LPIN2: variants seen among roughly 807,000 people sequenced by gnomAD.
LPIN2 encodes phosphatidate phosphatase LPIN2.
A neutral mutation model predicts 111.4 loss-of-function variants in LPIN2; 55 were observed. The observed-to-expected ratio is 0.49, with a 90% CI of 0.40 to 0.62. LPIN2 has a LOEUF of 0.62. Ranked by LOEUF, LPIN2 falls within the 20% of genes least tolerant of loss-of-function variation. LPIN2 has a pLI of 0.00. For synonymous variants in LPIN2, 425 were observed against 414.0 expected, an observed-to-expected ratio of 1.03 and a Z score of -0.32; for missense variants, 992 against 1,112.1, an observed-to-expected ratio of 0.89 and a Z score of 1.54.
Position 2,925,461 on chromosome 18 carries a change from A to C in LPIN2, c.1794-93T>G, listed in dbSNP as rs1030212036. The C allele has an allele frequency of 1.3e-6, 2 of 1,529,534 alleles. No individual in the cohort carries two copies. Among genetic ancestry groups the C allele is most frequent in the Middle Eastern group, 2.2e-4 (1 of 4,516 alleles). 94.7% of individuals were successfully genotyped at this position (1,529,534 alleles called of 1,614,324 possible). On this transcript the variant is annotated intron_variant, in intron 13 of 19. Coordinates refer to ENST00000677752, the MANE Select transcript of LPIN2 (RefSeq NM_001375808.2). This position sits in a 1 kb window ranked among gnomAD's most constrained non-coding sequence, Gnocchi z 4.1. ...GGATCAAGAAAATAAAGATATCCTA[A>C]ATCTTTTCTAGGAATGGGTAGAGTT...
chr18:2,979,531 T>G (rs747377077), intron 1 of LPIN2, among the ~76,000 whole-genome samples: 2 of 152,206 alleles, frequency 1.3e-5, no homozygotes, highest in Non-Finnish European at 2.9e-5. Context: ...ATTTGCTAAA[T>G]GAAGACAATT....
chr18:2,979,304 A>G (rs1378314721), intron 1 of LPIN2, among the ~76,000 whole-genome samples: 1 of 152,226 alleles, frequency 6.6e-6, no homozygotes, highest in East Asian at 1.9e-4. Context: ...AGGGCTCACC[A>G]GGCACTCTAA....
chr18:2,999,962 G>A lies in LPIN2; in HGVS notation c.-10+13125C>T, dbSNP rs555027934. Among the ~76,000 whole-genome samples the A allele has an allele frequency of 7.2e-5, 11 of 151,918 alleles. No individual in the cohort carries two copies. The East Asian group carries it at 1.5e-3, about 21-fold the overall frequency. On this transcript the variant is annotated intron_variant, in intron 1 of 19. Coordinates refer to ENST00000677752, the MANE Select transcript of LPIN2 (RefSeq NM_001375808.2). ...CCAGCACTTCAGGAGGCTGAGGTGGGAGGATCACTTAAGGCTGGAAGTTCA... is the reference window on the plus strand; with the variant it reads ...CCAGCACTTCAGGAGGCTGAGGTGGAAGGATCACTTAAGGCTGGAAGTTCA...
chr18:2,982,710 T>A (rs2078130760), intron 1 of LPIN2: 1 of 1,303,826 alleles, frequency 7.7e-7, no homozygotes, highest in African/African-American at 1.5e-5. Flanking sequence ...CATCTTGAGT[T>A]TTACTTAATG....
chr18:2,969,312 G>A (rs1248229439), intron 1 of LPIN2, among the ~76,000 whole-genome samples: 1 of 152,200 alleles, frequency 6.6e-6, no homozygotes, highest in Non-Finnish European at 1.5e-5. Context: ...GAATTGTCCT[G>A]TCCTTTGTCT....
At chr18:2,974,951 T>C (rs2077986245) in intron 1 of LPIN2, among the ~76,000 whole-genome samples, 1 of 152,178 alleles carries the variant, frequency 6.6e-6, no homozygotes, top group African/African-American at 2.4e-5. Context: ...GTGAGCCATG[T>C]TTGTGCCACT....
intron 2 of LPIN2, among the ~76,000 whole-genome samples, chr18:2,955,167 C>T (rs1266607197): frequency 6.6e-6 from 1 of 152,188 alleles, no homozygotes; most frequent in African/African-American, 2.4e-5. Context: ...TTCAGGTAGA[C>T]ATATGCGTTG....
intron 1 of LPIN2, among the ~76,000 whole-genome samples, chr18:2,980,894 C>A (rs2078100526): frequency 6.6e-6 from 1 of 152,102 alleles, no homozygotes; most frequent in South Asian, 2.1e-4. Flanking sequence ...TATATTCTGC[C>A]CTAAATGGGG....
At chr18:2,966,357 A>G (rs1227634594) in intron 1 of LPIN2, among the ~76,000 whole-genome samples, 2 of 152,192 alleles carry the variant, frequency 1.3e-5, no homozygotes, top group Non-Finnish European at 2.9e-5. Flanking sequence ...ACACACAACT[A>G]AACTTGTTAC....
intron 18 of LPIN2, chr18:2,921,237 G>A: frequency 1.8e-6 from 1 of 555,340 alleles, no homozygotes; most frequent in Non-Finnish European, 3.2e-6. Context: ...GTGATCCAAG[G>A]ACGCAGCTCA....
rs780037453 is a variant in LPIN2, at chr18:2,954,582, G to A, written c.210C>T (p.Asn70=). 2.9e-5 allele frequency: 46 copies of A among 1,611,842 alleles called. No individual in the cohort carries two copies. The highest frequency in any genetic ancestry group is 1.6e-4 in the Middle Eastern group (1 of 6,082). Residue 70 remains asparagine, a synonymous_variant, in exon 3 of 20, where the codon AAC becomes AAT. Transcript: ENST00000677752. ...TCATGTGAAGATCCACTGCACTGCC[G>A]TTGATTTCTATATCAATCTATGGGA... ...SKEKVIDIEI[N]GSAVDLHMKL...
intron 1 of LPIN2, among the ~76,000 whole-genome samples, chr18:2,965,271 A>G (rs547196105): frequency 2.0e-5 from 3 of 152,366 alleles, no homozygotes; most frequent in East Asian, 1.9e-4. Flanking sequence ...GCCCACTATC[A>G]TATTTTTCTT....
intron 1 of LPIN2, among the ~76,000 whole-genome samples, chr18:3,005,250 C>G (rs1363758836): frequency 2.0e-5 from 3 of 151,134 alleles, no homozygotes. Context: ...CTAGGGAAGC[C>G]AAGGCAGGAG....
intron 1 of LPIN2, among the ~76,000 whole-genome samples, chr18:2,993,499 G>A (rs371591635): frequency 1.3e-5 from 2 of 152,090 alleles, no homozygotes; most frequent in East Asian, 1.9e-4. Context: ...CTGACATTTC[G>A]AAAACTATGG....
chr18:2,945,634 A>G, intron 4 of LPIN2: 1 of 1,482,984 alleles, frequency 6.7e-7, no homozygotes, highest in Non-Finnish European at 9.4e-7. Flanking sequence ...AGCTTTTCTC[A>G]TAGTGATTTC....
At chr18:2,945,775 C>T in intron 4 of LPIN2, 3 of 1,255,088 alleles carry the variant, frequency 2.4e-6, no homozygotes, top group South Asian at 1.2e-5. Flanking sequence ...TTTGCTTCTA[C>T]TCGACTAAGT....
chr18:2,925,398 G>C lies in LPIN2; in HGVS notation c.1794-30C>G, dbSNP rs1392330174. On this transcript the variant is annotated intron_variant, in intron 13 of 19. Transcript: ENST00000677752. This position sits in a 1 kb window ranked among gnomAD's most constrained non-coding sequence, Gnocchi z 4.1. ...TCAACATTAGCCCAGTTACGGAAGA[G>C]GCAGCAGGGCATTTTATTGATGAGA... The C allele has an allele frequency of 4.3e-6, 7 of 1,613,818 alleles. No individual in the cohort carries two copies. Among genetic ancestry groups the C allele is most frequent in the South Asian group, 2.2e-5 (2 of 91,070 alleles).
intron 1 of LPIN2, among the ~76,000 whole-genome samples, chr18:3,001,541 C>T (rs532584987): frequency 1.2e-4 from 18 of 151,884 alleles, no homozygotes; most frequent in Admixed American, 9.8e-4. Context: ...AAGAATTGTG[C>T]GTGTGAGAGG....
At chr18:2,950,960 C>T (rs1271101516) in intron 4 of LPIN2, 95 bp downstream of exon 4, 2 of 1,346,862 alleles carry the variant, frequency 1.5e-6, no homozygotes, top group Non-Finnish European at 2.1e-6. Context: ...CAAGCCCAAA[C>T]CTCACACTGT....
Sources: gnomAD v4.1 joint callset for allele counts (sites outside exome capture counted in the v4.1 genomes callset) on GRCh38, gnomAD v4.1.1 for gene constraint, Gnocchi (gnomAD v3.1) non-coding constraint, MANE v1.5 for transcripts, NCBI Gene and HGNC (gene_info 2026-07-23, HGNC 2026-07-21) for gene names.